The following SFMBT2 variants were observed in gnomAD, a reference collection of about 807,000 sequenced individuals.
SFMBT2 encodes Scm like with four mbt domains 2, also known as scm-like with four MBT domains protein 2.
A neutral mutation model predicts 110.1 loss-of-function variants in SFMBT2; 38 were observed. The ratio of observed to expected loss-of-function variants is 0.35; its 90% CI spans 0.27 to 0.45. SFMBT2 has a LOEUF of 0.45. Ranked by LOEUF, SFMBT2 falls within the 20% of genes least tolerant of loss-of-function variation. The pLI, the probability that SFMBT2 is intolerant of heterozygous loss-of-function variation, is 1.00. For missense variants in SFMBT2, 1,011 were observed against 1,094.9 expected (o/e 0.92, Z 1.08); for synonymous variants, 425 against 425.4 (o/e 1.00, Z 0.01).
chr10:7,391,322 C>T (rs1191339404), intron 1 of SFMBT2, among the ~76,000 whole-genome samples: 2 of 149,952 alleles, frequency 1.3e-5, no homozygotes, highest in East Asian at 2.0e-4. Flanking sequence ...AAAAATTAGC[C>T]GGGCATGGTG....
At chr10:7,410,567 G>A (rs1044766256) in intron 1 of SFMBT2, among the ~76,000 whole-genome samples, 14 of 152,298 alleles carry the variant, frequency 9.2e-5, no homozygotes, top group African/African-American at 3.1e-4. Context: ...CGCAGGCGAA[G>A]GGGACCCGGG....
At chr10:7,344,842 C>T (rs1237141354) in intron 4 of SFMBT2, among the ~76,000 whole-genome samples, 1 of 151,278 alleles carries the variant, frequency 6.6e-6, no homozygotes, top group African/African-American at 2.4e-5. Context: ...GCCTGTAGTC[C>T]CAGCTACTTG....
Position 7,338,960 on chromosome 10 carries a change from C to T in SFMBT2, c.436+28689G>A, listed in dbSNP as rs1032553537. ...CTTCTATTTAAAACTGAATTGGCGG[C>T]CAGGCACAGCGGCTCACACCTGTAA... On this transcript the variant is annotated intron_variant, in intron 4 of 20. Coordinates refer to ENST00000397167, the MANE Select transcript of SFMBT2 (RefSeq NM_001387889.1). Among the ~76,000 whole-genome samples the T allele has an allele frequency of 2.6e-4, 39 of 152,272 alleles. 1 individual carries two copies. The highest frequency in any genetic ancestry group is 3.4e-3 in the Middle Eastern group (1 of 294).
At chr10:7,251,522 C>T (rs1029834005) in intron 7 of SFMBT2, among the ~76,000 whole-genome samples, 6 of 152,158 alleles carry the variant, frequency 3.9e-5, no homozygotes, top group Non-Finnish European at 5.9e-5. Context: ...TACCCATCAG[C>T]GGGAAATGAG....
intron 4 of SFMBT2, among the ~76,000 whole-genome samples, chr10:7,291,615 C>G (rs1842262889): frequency 6.6e-6 from 1 of 152,164 alleles, no homozygotes; most frequent in South Asian, 2.1e-4. Flanking sequence ...GCCAACAATG[C>G]TCATGCATCA....
intron 4 of SFMBT2, among the ~76,000 whole-genome samples, chr10:7,338,619 A>G (rs767427178): frequency 2.0e-5 from 3 of 152,242 alleles, no homozygotes; most frequent in Non-Finnish European, 4.4e-5. Context: ...GAGGAGGAGT[A>G]GGAAGCGGAG....
chr10:7,192,471 C>T (rs879618424), intron 15 of SFMBT2, among the ~76,000 whole-genome samples: 33 of 152,166 alleles, frequency 2.2e-4, no homozygotes, highest in Non-Finnish European at 3.8e-4. Context: ...TTCAGGATTC[C>T]GACCAGAAAG....
At chr10:7,192,795 G>C (rs1054480251) in intron 15 of SFMBT2, among the ~76,000 whole-genome samples, 1 of 152,128 alleles carries the variant, frequency 6.6e-6, no homozygotes, top group African/African-American at 2.4e-5. Context: ...ATTTGCAGTG[G>C]GGCGTCTCTG....
At chr10:7,182,051 T>C (rs1020931801) in intron 16 of SFMBT2, among the ~76,000 whole-genome samples, 3 of 152,154 alleles carry the variant, frequency 2.0e-5, no homozygotes, top group Admixed American at 6.5e-5. Flanking sequence ...TGTTCTTTCT[T>C]TCCTTTTTTT....
At chr10:7,174,398 C>T (rs903779280) in intron 17 of SFMBT2, among the ~76,000 whole-genome samples, 3 of 152,178 alleles carry the variant, frequency 2.0e-5, no homozygotes. Context: ...AGCCAAAGGC[C>T]AGTATGTGTT....
At chr10:7,403,310 A>G (rs1435929618) in intron 1 of SFMBT2, among the ~76,000 whole-genome samples, 1 of 152,186 alleles carries the variant, frequency 6.6e-6, no homozygotes, top group Non-Finnish European at 1.5e-5. Context: ...TAAATATAAC[A>G]GCCCCCACCT....
intron 4 of SFMBT2, among the ~76,000 whole-genome samples, chr10:7,309,092 G>A (rs762964932): frequency 2.0e-5 from 3 of 152,180 alleles, no homozygotes; most frequent in South Asian, 2.1e-4. Flanking sequence ...GGGTGTTTCC[G>A]AAAGAGGCTA....
intron 4 of SFMBT2, among the ~76,000 whole-genome samples, chr10:7,300,742 C>T (rs942115602): frequency 5.3e-5 from 8 of 152,220 alleles, no homozygotes; most frequent in Non-Finnish European, 8.8e-5. Flanking sequence ...ATCTAATAAA[C>T]AATTGGCAAA....
chr10:7,203,012 T>A (rs1383179031), intron 12 of SFMBT2: 1 of 985,320 alleles, frequency 1.0e-6, no homozygotes. Flanking sequence ...CCTGGTCAAA[T>A]ATTGACATAA....
intron 4 of SFMBT2, among the ~76,000 whole-genome samples, chr10:7,348,489 TGTTA>T (rs1446031339): frequency 6.6e-6 from 1 of 152,194 alleles, no homozygotes; most frequent in Non-Finnish European, 1.5e-5. Flanking sequence ...TTAACAGCTC[TGTTA>T]GTTGAGAAGA....
At chr10:7,283,333 G>C (rs1393649884) in intron 6 of SFMBT2, among the ~76,000 whole-genome samples, 1 of 152,178 alleles carries the variant, frequency 6.6e-6, no homozygotes, top group African/African-American at 2.4e-5. Context: ...TACATGCCAG[G>C]AGAAAACATG....
At chr10:7,202,610 A>G (rs1838994386) in intron 12 of SFMBT2, 88 bp from the exon 13 acceptor site, 14 of 1,600,500 alleles carry the variant, frequency 8.7e-6, no homozygotes, top group Non-Finnish European at 1.1e-5. Context: ...GCAAAGAGGT[A>G]CCCATTTTAA....
At chr10:7,375,037 T>A (rs1845163360) in intron 2 of SFMBT2, among the ~76,000 whole-genome samples, 3 of 152,154 alleles carry the variant, frequency 2.0e-5, no homozygotes, top group Admixed American at 2.0e-4. Flanking sequence ...ACAATCTCCC[T>A]CCATGTAAAT....
chr10:7,310,334 A>G (rs545206002), intron 4 of SFMBT2, among the ~76,000 whole-genome samples: 2 of 152,316 alleles, frequency 1.3e-5, no homozygotes, highest in South Asian at 4.1e-4. Flanking sequence ...TGAGAACTCC[A>G]TGTCCCAAGA....
Sources: gnomAD v4.1 joint callset for allele counts (sites outside exome capture counted in the v4.1 genomes callset) on GRCh38, gnomAD v4.1.1 for gene constraint, MANE v1.5 for transcripts, NCBI Gene and HGNC (gene_info 2026-07-23, HGNC 2026-07-21) for gene names.